Variants in USP13 observed in about 807,000 individuals in gnomAD.
The protein encoded by USP13 is ubiquitin specific peptidase 13, also known as ubiquitin carboxyl-terminal hydrolase 13.
In USP13, 68 loss-of-function variants were observed where a neutral mutation model predicts 107.8. The ratio of observed to expected loss-of-function variants is 0.63; its 90% CI spans 0.52 to 0.77. The LOEUF is 0.77. Ranked by LOEUF, USP13 falls within the 30% of genes least tolerant of loss-of-function variation. The pLI is 0.00. For missense variants in USP13, 945 were observed against 1,093.3 expected (o/e 0.86, Z 1.91); for synonymous variants, 377 against 389.5 (o/e 0.97, Z 0.38).
intron 1 of USP13, among the ~76,000 whole-genome samples, chr3:179,677,333 A>G (rs1421889484): frequency 2.0e-5 from 3 of 151,528 alleles, no homozygotes; most frequent in Non-Finnish European, 4.4e-5. Context: ...CTGTAATCCC[A>G]GCACTTTGGG....
chr3:179,735,596 A>AT (rs1422850666), intron 10 of USP13, among the ~76,000 whole-genome samples: 2 of 151,070 alleles, frequency 1.3e-5, no homozygotes, highest in East Asian at 1.9e-4. Context: ...TCCTTTTCTC[A>AT]TTTTTTCTCT....
intron 19 of USP13, among the ~76,000 whole-genome samples, chr3:179,778,897 G>A (rs1408664428): frequency 6.6e-6 from 1 of 152,180 alleles, no homozygotes; most frequent in African/African-American, 2.4e-5. Context: ...TATTTATAAG[G>A]AAGGTTCAGG....
intron 19 of USP13, among the ~76,000 whole-genome samples, chr3:179,769,292 A>G (rs1449882992): frequency 6.6e-6 from 1 of 152,232 alleles, no homozygotes; most frequent in Non-Finnish European, 1.5e-5. Context: ...ACCATAGTTT[A>G]TATACCTAAT....
chr3:179,771,031 G>C (rs915803634), intron 19 of USP13, among the ~76,000 whole-genome samples: 2 of 152,164 alleles, frequency 1.3e-5, no homozygotes, highest in African/African-American at 4.8e-5. Flanking sequence ...ATCTGTCTAA[G>C]CAAAAAGGGA....
chr3:179,713,992 A>G (rs996825027), intron 6 of USP13, among the ~76,000 whole-genome samples: 9 of 152,336 alleles, frequency 5.9e-5, no homozygotes, highest in African/African-American at 2.2e-4. Flanking sequence ...CTGGGTCCCC[A>G]TGGGTACAGC....
At chr3:179,719,538 C>T (rs1229381265) in intron 6 of USP13, among the ~76,000 whole-genome samples, 3 of 152,200 alleles carry the variant, frequency 2.0e-5, no homozygotes, top group East Asian at 1.9e-4. Context: ...GAGGTCCCCC[C>T]TGCCGTGGCG....
intron 1 of USP13, among the ~76,000 whole-genome samples, chr3:179,658,392 C>T (rs760630166): frequency 8.5e-5 from 13 of 152,176 alleles, no homozygotes; most frequent in Non-Finnish European, 1.3e-4. Context: ...TGCCGCACAG[C>T]GGTTCTAGTC....
chr3:179,672,280 A>G (rs1560043408), intron 1 of USP13, among the ~76,000 whole-genome samples: 1 of 152,246 alleles, frequency 6.6e-6, no homozygotes, highest in Non-Finnish European at 1.5e-5. Context: ...AATACAAAGT[A>G]GCAAATGAAT....
Position 179,762,368 on chromosome 3 carries a change from G to A in USP13, c.2092+1113G>A, listed in dbSNP as rs1715039308. On this transcript the variant is annotated intron_variant, in intron 17 of 20. Transcript: ENST00000263966. Reference sequence around the variant, plus strand: ...GGCCAAGGCAGGAGGATCATTTGAGGTCAAGAGTTCAAGACCAGCCTGGCC... The same window carrying A: ...GGCCAAGGCAGGAGGATCATTTGAGATCAAGAGTTCAAGACCAGCCTGGCC... Among the ~76,000 whole-genome samples the A allele has an allele frequency of 2.0e-5, 3 of 152,342 alleles. No individual in the cohort carries two copies. The South Asian group carries it at 6.2e-4, about 32-fold the overall frequency.
At chr3:179,765,895 T>TG in intron 19 of USP13, 47 bp downstream of exon 19, 1 of 1,586,554 alleles carries the variant, frequency 6.3e-7, no homozygotes. Context: ...AACTATACGT[T>TG]CAGCTCATGC....
intron 12 of USP13, among the ~76,000 whole-genome samples, chr3:179,743,168 C>T (rs538210602): frequency 1.1e-4 from 16 of 152,184 alleles, no homozygotes; most frequent in East Asian, 7.7e-4. Context: ...AACCAAACAC[C>T]GCATATTCTC....
rs1210438811 is a variant in USP13 at position 179,742,380 on chromosome 3, T to C, written c.1534+30T>C. On this transcript the variant is annotated intron_variant, in intron 12 of 20. Coordinates refer to ENST00000263966, the MANE Select transcript of USP13 (RefSeq NM_003940.3). This position sits in a 1 kb window ranked among gnomAD's most constrained non-coding sequence, Gnocchi z 5.0. ...CAATTCCAAAGCGGGAAATTGGTAC[T>C]GTGTGTCTTCATATGGGAAAACCCT... 2 of 1,613,254 alleles carry C rather than the reference T, an allele frequency of 1.2e-6. No individual in the cohort carries two copies. Among genetic ancestry groups the C allele is most frequent in the African/African-American group, 2.7e-5 (2 of 74,906 alleles).
chr3:179,686,090 G>A (rs1275211977), intron 2 of USP13, among the ~76,000 whole-genome samples: 1 of 152,050 alleles, frequency 6.6e-6, no homozygotes, highest in Non-Finnish European at 1.5e-5. Flanking sequence ...CTCTTCCATT[G>A]CGCCCTCTCC....
chr3:179,740,935 T>G (rs1352544092), intron 11 of USP13, among the ~76,000 whole-genome samples: 1 of 151,840 alleles, frequency 6.6e-6, no homozygotes. Flanking sequence ...CCCGGCTAAT[T>G]TTTGTATTTT....
intron 13 of USP13, among the ~76,000 whole-genome samples, chr3:179,750,297 T>C: frequency 1.0e-5 from 1 of 99,878 alleles, no homozygotes; most frequent in Admixed American, 9.7e-5. Flanking sequence ...AATATATATA[T>C]GTGTGTGTAT....
chr3:179,730,674 G>T lies in USP13; in HGVS notation c.1219G>T (p.Glu407Ter). 6.2e-7 allele frequency: 1 copy of T among 1,614,160 alleles called. No individual in the cohort carries two copies. The highest frequency in any genetic ancestry group is 8.5e-7 in the Non-Finnish European group (1 of 1,180,002). ...GQYSKPPVKS[E>*]LIEQVMKEEH... Reference sequence around the variant, plus strand: ...GTATTCAAAGCCTCCGGTGAAATCTGAACTCATTGAACAGGTGATGAAGGA... The same window carrying T: ...GTATTCAAAGCCTCCGGTGAAATCTTAACTCATTGAACAGGTGATGAAGGA... Residue 407 changes from glutamate to a stop codon, truncating the protein, a stop_gained, in exon 10 of 21, where the codon GAA becomes TAA. Transcript: ENST00000263966. LOFTEE classifies it high-confidence loss of function.
At chr3:179,729,305 G>A (rs1713707878) in intron 8 of USP13, among the ~76,000 whole-genome samples, 1 of 152,158 alleles carries the variant, frequency 6.6e-6, no homozygotes, top group South Asian at 2.1e-4. Context: ...CAGACAGCAA[G>A]GATGGGTGAT....
At chr3:179,727,814 C>G in intron 8 of USP13, among the ~76,000 whole-genome samples, 1 of 107,712 alleles carries the variant, frequency 9.3e-6, no homozygotes, top group African/African-American at 3.2e-5. Context: ...CCCCCACCTC[C>G]CTCCCGGACG....
chr3:179,727,947 G>A (rs1393461545), intron 8 of USP13, among the ~76,000 whole-genome samples: 1 of 61,418 alleles, frequency 1.6e-5, no homozygotes, highest in South Asian at 6.6e-4. Flanking sequence ...CCTCCCTCTC[G>A]GACGAGGCGG....
Sources: gnomAD v4.1 joint callset for allele counts (sites outside exome capture counted in the v4.1 genomes callset) on GRCh38, gnomAD v4.1.1 for gene constraint, Gnocchi (gnomAD v3.1) non-coding constraint, MANE v1.5 for transcripts, NCBI Gene and HGNC (gene_info 2026-07-23, HGNC 2026-07-21) for gene names.